UNC79: variants seen among roughly 807,000 people sequenced by gnomAD.
UNC79 encodes the protein protein unc-79 homolog.
UNC79 carries 37 observed loss-of-function variants against 283.1 expected under a neutral mutation model. The ratio of observed to expected loss-of-function variants is 0.13; its 90% confidence interval spans 0.10 to 0.17. The LOEUF (loss-of-function observed/expected upper bound fraction) is 0.17, where lower values mean the gene tolerates loss of function less well. Ranked by LOEUF, UNC79 falls within the 10% of genes least tolerant of loss-of-function variation. The pLI, the probability that UNC79 is intolerant of heterozygous loss-of-function variation, is 1.00. For synonymous variants in UNC79, 1,107 were observed against 1,200.2 expected (o/e 0.92, Z 1.61); for missense variants, 2,272 against 3,211.1 (o/e 0.71, Z 7.07).
chr14:93,652,969 T>C lies in UNC79; in HGVS notation c.6084-773T>C, dbSNP rs140443851. Reference sequence around the variant, plus strand: ...CGTTATTTTTTCCTGAAGAATATTTTTGACCTAAAACTTTGAACCAGCATT... The same window carrying C: ...CGTTATTTTTTCCTGAAGAATATTTCTGACCTAAAACTTTGAACCAGCATT... On this transcript the variant is annotated intron_variant, in intron 35 of 48. Transcript: ENST00000555664. 5.6e-3 allele frequency among the ~76,000 whole-genome samples: 849 copies of C among 152,356 alleles called. 5 individuals are homozygous for C. Among genetic ancestry groups the C allele is most frequent in the South Asian group, 0.029 (142 of 4,824 alleles).
At chr14:93,462,292 C>T (rs1566950882) in intron 1 of UNC79, among the ~76,000 whole-genome samples, 1 of 152,124 alleles carries the variant, frequency 6.6e-6, no homozygotes, top group Non-Finnish European at 1.5e-5. Context: ...GGTGACAGAG[C>T]AAGACTCTGT....
intron 1 of UNC79, among the ~76,000 whole-genome samples, chr14:93,408,142 A>G (rs907161624): frequency 7.2e-5 from 11 of 152,238 alleles, no homozygotes; most frequent in African/African-American, 2.7e-4. Context: ...CGAATAGGGT[A>G]GAAACTTTGG....
chr14:93,490,920 C>G (rs934278364), intron 5 of UNC79, among the ~76,000 whole-genome samples: 2 of 152,140 alleles, frequency 1.3e-5, no homozygotes, highest in Non-Finnish European at 2.9e-5. Context: ...TTCTCAGTAC[C>G]AATTTTCTGT....
intron 1 of UNC79, among the ~76,000 whole-genome samples, chr14:93,398,636 C>T (rs1321975535): frequency 6.6e-6 from 1 of 152,132 alleles, no homozygotes; most frequent in Non-Finnish European, 1.5e-5. Flanking sequence ...TTTTGATTGT[C>T]AAGGCAAACC....
In UNC79 at chr14:93,688,828, C is replaced by T. The variant is rs758219076; in HGVS notation, c.7073C>T (p.Ala2358Val). The T allele has an allele frequency of 2.5e-6, 4 of 1,613,780 alleles. No individual in the cohort carries two copies. In the South Asian group the frequency reaches 4.4e-5, roughly 18 times the overall value. The change falls in exon 44 of 49, where the codon GCA (alanine) becomes GTA (valine). Residue 2358 changes from alanine (A) to valine (V), a missense_variant. Physicochemically the swap from Ala to Val is moderately conservative, Grantham distance 64. Around this residue, in one of 11 missense-constraint regions of UNC79, gnomAD observed 225 missense variants for 334.2 expected, o/e 0.67. Transcript: ENST00000555664. The surrounding 1 kb of genome is among the most constrained non-coding windows in gnomAD (Gnocchi z 4.0). Reference sequence around the variant, plus strand: ...CCTTGGCTTTATCATCCCCCCTCTGCAATGCAGCAAGGGTAAGACCCTTAC... The same window carrying T: ...CCTTGGCTTTATCATCCCCCCTCTGTAATGCAGCAAGGGTAAGACCCTTAC...
At chr14:93,411,369 A>T (rs769707102) in intron 1 of UNC79, among the ~76,000 whole-genome samples, 3 of 152,308 alleles carry the variant, frequency 2.0e-5, no homozygotes, top group South Asian at 4.1e-4. Flanking sequence ...ACCTGGGGGA[A>T]CTTGCTGCCC....
chr14:93,587,096 G>A (rs1240678574), intron 22 of UNC79, among the ~76,000 whole-genome samples, 188 bp downstream of exon 22: 6 of 152,170 alleles, frequency 3.9e-5, no homozygotes, highest in African/African-American at 1.2e-4. Context: ...ACAAGGAATG[G>A]TAATTTCCAT....
chr14:93,707,192 A>G (rs189191738), downstream of UNC79: 1 of 319,836 alleles, frequency 3.1e-6, no homozygotes, highest in East Asian at 5.1e-5. Flanking sequence ...AAAAAAATAG[A>G]CTGGTGGGTA....
At chr14:93,391,246 TATG>T (rs1407786787) in intron 1 of UNC79, among the ~76,000 whole-genome samples, 1 of 151,544 alleles carries the variant, frequency 6.6e-6, no homozygotes, top group East Asian at 1.9e-4. Context: ...TGGATATACA[TATG>T]ATAAAAAGAA....
intron 11 of UNC79, among the ~76,000 whole-genome samples, chr14:93,533,373 C>T (rs1402964753): frequency 2.0e-5 from 3 of 152,172 alleles, no homozygotes; most frequent in Non-Finnish European, 4.4e-5. Context: ...TATTTAATCA[C>T]AATTCTGTGG....
At chr14:93,396,047 G>A (rs1416931208) in intron 1 of UNC79, among the ~76,000 whole-genome samples, 1 of 151,968 alleles carries the variant, frequency 6.6e-6, no homozygotes, top group Non-Finnish European at 1.5e-5. Flanking sequence ...TGTCTCATAT[G>A]TCTGAGGCGC....
intron 26 of UNC79, among the ~76,000 whole-genome samples, chr14:93,611,630 A>G (rs2066313433): frequency 6.6e-6 from 1 of 152,214 alleles, no homozygotes; most frequent in Admixed American, 6.5e-5. Context: ...AGGAGTTAAT[A>G]GGTATAAATG....
chr14:93,649,640 T>G (rs2070024997), intron 35 of UNC79, among the ~76,000 whole-genome samples: 1 of 152,220 alleles, frequency 6.6e-6, no homozygotes, highest in Non-Finnish European at 1.5e-5. Context: ...AATGTGATCT[T>G]TTGATAGATG....
chr14:93,437,061 A>ATATT (rs2056109678), intron 1 of UNC79, among the ~76,000 whole-genome samples: 1 of 152,200 alleles, frequency 6.6e-6, no homozygotes, highest in Non-Finnish European at 1.5e-5. Flanking sequence ...GTATACATAT[A>ATATT]TATTTATGTA....
chr14:93,333,229 GTCGGC>G, exon 1 of UNC79: 1 of 401,334 alleles, frequency 2.5e-6, no homozygotes, highest in Middle Eastern at 6.3e-4. Flanking sequence ...ATTTTTGCTC[GTCGGC>G]TGGGAGCCGG....
At position 93,347,450 on chromosome 14, in the gene UNC79, G is replaced by T. The variant is rs982765826; in HGVS notation, c.-351+13927G>T. 2.9e-6 allele frequency: 4 copies of T among 1,391,834 alleles called. No individual in the cohort carries two copies. The South Asian group carries it at 6.3e-5, about 22-fold the overall frequency. The allele number at this position is 1,391,834 out of a possible 1,614,324, so 86.2% of individuals were successfully genotyped here. On this transcript the variant is annotated intron_variant, in intron 1 of 49. Coordinates refer to the UNC79 transcript ENST00000256339. ...GGGAAGCGCGTGGCCCTGGCGGGGC[G>T]CCCCGACGGGTGGGGAGAAGGGAGG...
At chr14:93,611,156 T>G (rs929798883) in intron 26 of UNC79, among the ~76,000 whole-genome samples, 3 of 152,246 alleles carry the variant, frequency 2.0e-5, no homozygotes, top group Non-Finnish European at 4.4e-5. Context: ...TGTGAAACAC[T>G]GTAATAAACA....
chr14:93,404,157 T>G (rs1184884460), intron 1 of UNC79, among the ~76,000 whole-genome samples: 4 of 151,924 alleles, frequency 2.6e-5, no homozygotes, highest in Non-Finnish European at 5.9e-5. Context: ...GAGTTTTATT[T>G]TTAAAGGCAA....
intron 1 of UNC79, among the ~76,000 whole-genome samples, chr14:93,353,419 C>T (rs2054018879): frequency 6.6e-6 from 1 of 152,180 alleles, no homozygotes; most frequent in South Asian, 2.1e-4. Context: ...TAGTATCACA[C>T]ACTGTGGTTT....
Sources: allele counts gnomAD v4.1 joint callset (sites outside exome capture counted in the v4.1 genomes callset), GRCh38; gene constraint gnomAD v4.1.1; regional missense constraint gnomAD v4.1.1; non-coding constraint Gnocchi (gnomAD v3.1); transcripts MANE v1.5; gene names NCBI Gene and HGNC (gene_info 2026-07-23, HGNC 2026-07-21).